DNM1: variants seen among roughly 807,000 people sequenced by gnomAD.
The protein encoded by DNM1 is dynamin 1, also known as dynamin-1.
DNM1 carries 29 observed loss-of-function variants against 104.6 expected under a neutral mutation model. The observed-to-expected ratio is 0.28, with a 90% confidence interval of 0.21 to 0.38. The LOEUF is 0.38. DNM1 is among the 10% of genes least tolerant of loss of function. DNM1 has a pLI of 1.00. For synonymous variants in DNM1, 445 were observed against 475.8 expected (o/e 0.94, Z 0.84); for missense variants, 640 against 1,189.4 (o/e 0.54, Z 6.79).
intron 10 of DNM1, among the ~76,000 whole-genome samples, chr9:128,228,848 T>C (rs971189059): frequency 6.6e-6 from 1 of 151,954 alleles, no homozygotes; most frequent in African/African-American, 2.4e-5. Flanking sequence ...ACGGGCATGG[T>C]GGCACGTGCC....
Position 128,222,435 on chromosome 9 carries a change from C to G in DNM1, c.993-26C>G, listed in dbSNP as rs1322820520. ...CCCTTTGCTGGGCTGCTCCTGCCCC[C>G]TCAGGCCACACCACTCTCCCACCAG... On this transcript the variant is annotated intron_variant, in intron 7 of 21. Transcript: ENST00000372923. The surrounding 1 kb of genome is among the most constrained non-coding windows in gnomAD (Gnocchi z 7.8). 1.2e-6 allele frequency: 2 copies of G among 1,613,402 alleles called. No homozygotes were observed. The highest frequency in any genetic ancestry group is 1.7e-5 in the Admixed American group (1 of 59,976).
At chr9:128,226,027 G>T in intron 10 of DNM1, 1 of 1,612,116 alleles carries the variant, frequency 6.2e-7, no homozygotes, top group South Asian at 1.1e-5. Context: ...CCTCCTCCCC[G>T]GGTGCAGGAC....
rs1269635503 is a variant in DNM1, at chr9:128,253,373, C to T, written c.2535-1281C>T. ...AGGCCTCCATGGCTGAGCCTGGAGGCTCTTGGAACAGGCTCCGCGCCCAAG... is the reference window on the plus strand; with the variant it reads ...AGGCCTCCATGGCTGAGCCTGGAGGTTCTTGGAACAGGCTCCGCGCCCAAG... On this transcript the variant is annotated intron_variant, in intron 21 of 21. Coordinates refer to ENST00000372923, the MANE Select transcript of DNM1 (RefSeq NM_004408.4). This position sits in a 1 kb window ranked among gnomAD's most constrained non-coding sequence, Gnocchi z 5.9. The T allele has an allele frequency of 1.8e-6, 1 of 568,876 alleles. No individual in the cohort carries two copies. The highest frequency in any genetic ancestry group is 3.1e-6 in the Non-Finnish European group (1 of 318,614). The allele number at this position is 568,876 out of a possible 1,614,324, so 35.2% of individuals were successfully genotyped here.
chr9:128,234,049 A>G lies in DNM1; in HGVS notation c.1364A>G (p.Glu455Gly). The change falls in exon 11 of 22, where the codon GAG becomes GGG. Residue 455 changes from glutamate to glycine, a missense_variant. By Grantham distance (98) the Glu-to-Gly change is moderately conservative. Coordinates refer to ENST00000372923, the MANE Select transcript of DNM1 (RefSeq NM_004408.4). ...CAGCAGTACCCGCGGCTACGGGAGG[A>G]GATGGAGCGCATCGTGACCACCCAC... is the stretch of plus-strand genomic sequence containing the variant. ...KLQQYPRLRE[E>G]MERIVTTHIR... 6.3e-7 allele frequency: 1 copy of G among 1,577,286 alleles called. No homozygotes were observed. The highest frequency in any genetic ancestry group is 8.6e-7 in the Non-Finnish European group (1 of 1,162,380).
Position 128,240,376 on chromosome 9 carries a change from A to AGAGAAGTC in DNM1, c.1557+381_1557+388dup. The AGAGAAGTC allele has an allele frequency of 3.9e-6, 1 of 254,402 alleles. No homozygotes were observed. The highest frequency in any genetic ancestry group is 5.2e-5 in the Admixed American group (1 of 19,348). The allele number at this position is 254,402 out of a possible 1,614,324, so 15.8% of individuals were successfully genotyped here. A position where few individuals can be genotyped will look rare whatever the true frequency, so the allele number is the denominator to read the frequency against. On this transcript the variant is annotated intron_variant, in intron 14 of 21. Coordinates refer to ENST00000372923, the MANE Select transcript of DNM1 (RefSeq NM_004408.4). The surrounding 1 kb of genome is among the most constrained non-coding windows in gnomAD (Gnocchi z 5.1). The stretch of plus-strand genomic sequence containing the variant: ...GAATGAAGAGACGAATGAGAAGTCA[A>AGAGAAGTC]GAGAAGTCAAGAAGTCACTGCTCAC...
At chr9:128,221,026 T>C (rs1017977730) in intron 6 of DNM1, 10 of 147,888 alleles carry the variant, frequency 6.8e-5, no homozygotes, top group African/African-American at 2.6e-4. Context: ...TTTCTTTCTC[T>C]TTCTTTCTTT....
rs1488295280 is a variant in DNM1, at chr9:128,243,397, C to T, written c.1671+1052C>T. Reference sequence around the variant, plus strand: ...GGCTACAGCATCCTCAACGGGGGAGCGGGGCTCTGGGTGGGGCCTGTGATT... The same window carrying T: ...GGCTACAGCATCCTCAACGGGGGAGTGGGGCTCTGGGTGGGGCCTGTGATT... On this transcript the variant is annotated intron_variant, in intron 15 of 21. Transcript: ENST00000372923. The surrounding 1 kb of genome is among the most constrained non-coding windows in gnomAD (Gnocchi z 4.0). Among the ~76,000 whole-genome samples, 2 of 151,980 alleles carry T rather than the reference C, an allele frequency of 1.3e-5. No individual in the cohort carries two copies. The highest frequency in any genetic ancestry group is 2.9e-5 in the Non-Finnish European group (2 of 67,986).
chr9:128,218,930 C>G lies in DNM1; in HGVS notation c.386-119C>G. The G allele has an allele frequency of 2.3e-6, 3 of 1,326,182 alleles. No homozygotes were observed. Among genetic ancestry groups the G allele is most frequent in the Non-Finnish European group, 3.1e-6 (3 of 968,542 alleles). The allele number at this position is 1,326,182 out of a possible 1,614,324, so 82.2% of individuals were successfully genotyped here. A position where few individuals can be genotyped will look rare whatever the true frequency, so the allele number is the denominator to read the frequency against. On this transcript the variant is annotated intron_variant, in intron 3 of 21. Transcript: ENST00000372923. The surrounding 1 kb of genome is among the most constrained non-coding windows in gnomAD (Gnocchi z 4.8). ...ACTGCCACTTTCGCCCTGAGATTTCCTAGTCCCACCCACCTGCCACCCTGC... is the reference window on the plus strand; with the variant it reads ...ACTGCCACTTTCGCCCTGAGATTTCGTAGTCCCACCCACCTGCCACCCTGC...
intron 11 of DNM1, 121 bp downstream of exon 11, chr9:128,234,228 C>G (rs1475299802): frequency 6.7e-6 from 5 of 743,612 alleles, no homozygotes; most frequent in Non-Finnish European, 1.1e-5. Context: ...CAGTCTTCCT[C>G]TGTCTCATAC....
At chr9:128,233,875 G>A in intron 10 of DNM1, 146 bp from the exon 11 acceptor site, 1 of 701,444 alleles carries the variant, frequency 1.4e-6, no homozygotes, top group Non-Finnish European at 2.5e-6. Flanking sequence ...CAGCGTCCTG[G>A]GACCCTAGGT....
chr9:128,207,837 G>C (rs1414703217), intron 1 of DNM1, among the ~76,000 whole-genome samples: 3 of 152,116 alleles, frequency 2.0e-5, no homozygotes, highest in Non-Finnish European at 4.4e-5. Context: ...AAGCCCTCTG[G>C]GATGGCGTGG....
intron 14 of DNM1, among the ~76,000 whole-genome samples, chr9:128,241,539 A>C (rs917145472): frequency 6.6e-6 from 1 of 152,166 alleles, no homozygotes; most frequent in Non-Finnish European, 1.5e-5. Context: ...ATCACTTACT[A>C]TCTGCCAGGC....
At chr9:128,241,062 T>C (rs1013922994) in intron 14 of DNM1, 1 of 152,478 alleles carries the variant, frequency 6.6e-6, no homozygotes. Context: ...GAGAGGCAGC[T>C]GGTGTTCTCC....
At chr9:128,246,063 GGCCTGAGTGTGCGGTCCCT>G (rs1052612964) in intron 15 of DNM1, among the ~76,000 whole-genome samples, 2 of 152,226 alleles carry the variant, frequency 1.3e-5, no homozygotes, top group African/African-American at 4.8e-5. Context: ...GGGTGAGAGA[GGCCTGAGTGTGCGGTCCCT>G]GCCTGAGGCT....
In DNM1 at chr9:128,247,662, C is replaced by T. The variant is rs1422537067; in HGVS notation, c.1893+176C>T. On this transcript the variant is annotated intron_variant, in intron 17 of 21. Coordinates refer to ENST00000372923, the MANE Select transcript of DNM1 (RefSeq NM_004408.4). The surrounding 1 kb of genome is among the most constrained non-coding windows in gnomAD (Gnocchi z 5.1). ...GAACAGAGATAAGTCTCCTGGTATT[C>T]CCATCCTTCTCCAGTGGCAGTTTTG... Among the ~76,000 whole-genome samples the T allele has an allele frequency of 6.6e-6, 1 of 152,208 alleles. No homozygotes were observed. The highest frequency in any genetic ancestry group is 1.5e-5 in the Non-Finnish European group (1 of 68,030).
chr9:128,227,571 G>A (rs112280054), intron 10 of DNM1, among the ~76,000 whole-genome samples: 284 of 151,542 alleles, frequency 1.9e-3, no homozygotes, highest in African/African-American at 5.3e-3. Flanking sequence ...TAGTAGAGAC[G>A]GGGTTTCACC....
intron 10 of DNM1, chr9:128,233,703 C>CG: frequency 2.4e-6 from 1 of 418,146 alleles, no homozygotes; most frequent in Admixed American, 4.1e-5. Flanking sequence ...AACCAGTCTG[C>CG]GGGGCAGGCT....
rs183885342 is a variant in DNM1, at chr9:128,219,053, G to T, written c.390G>T (p.Leu130=). ...INLRVYSPHV[L]NLTLVDLPGM... ...CCCTCTCGCCGCCCTGTCCAGTGCT[G>T]AACCTGACCCTGGTGGACCTGCCCG... The change falls in exon 4 of 22, where the codon CTG becomes CTT. Residue 130 remains leucine (L), a synonymous_variant. Coordinates refer to ENST00000372923, the MANE Select transcript of DNM1 (RefSeq NM_004408.4). The T allele has an allele frequency of 6.2e-7, 1 of 1,613,932 alleles. No individual in the cohort carries two copies. Among genetic ancestry groups the T allele is most frequent in the East Asian group, 2.2e-5 (1 of 44,882 alleles).
chr9:128,238,408 G>C (rs1836146814), intron 11 of DNM1, among the ~76,000 whole-genome samples: 1 of 151,758 alleles, frequency 6.6e-6, no homozygotes, highest in South Asian at 2.1e-4. Flanking sequence ...ATTTTTAGTA[G>C]AGACGGGATT....
Sources: gnomAD v4.1 joint callset for allele counts (sites outside exome capture counted in the v4.1 genomes callset) on GRCh38, gnomAD v4.1.1 for gene constraint, Gnocchi (gnomAD v3.1) non-coding constraint, MANE v1.5 for transcripts, NCBI Gene and HGNC (gene_info 2026-07-23, HGNC 2026-07-21) for gene names.